Variants in PECR observed in about 807,000 individuals in gnomAD.
The protein encoded by PECR is 2,4-dienoyl-CoA reductase-related protein.
In PECR, 30 loss-of-function variants were observed where a neutral mutation model predicts 35.3. That is an observed-to-expected ratio of 0.85 (90% confidence interval 0.64 to 1.15). PECR has a LOEUF of 1.15. PECR is among the 50% of genes most tolerant of loss of function. The pLI is 0.00. For synonymous variants in PECR, 148 were observed against 138.9 expected (o/e 1.07, Z -0.46); for missense variants, 392 against 370.8 (o/e 1.06, Z -0.47).
chr2:216,068,225 C>CAAAA (rs34646067), intron 1 of PECR, among the ~76,000 whole-genome samples: 50 of 65,002 alleles, frequency 7.7e-4, no homozygotes, highest in Non-Finnish European at 8.3e-4. Flanking sequence ...GACTCCATAT[C>CAAAA]AAAAAAAAAA....
rs139332066 is a variant in PECR at position 216,079,715 on chromosome 2, C to T, written c.124+1903G>A. On this transcript the variant is annotated intron_variant, in intron 1 of 7. Coordinates refer to ENST00000265322, the MANE Select transcript of PECR (RefSeq NM_018441.6). The stretch of plus-strand genomic sequence containing the variant: ...AGTAAAATTGGGCCGGGCACGGTGG[C>T]TTACGCCTGTAATCCCAGTACTTTG... Among the ~76,000 whole-genome samples, 805 of 148,126 alleles carry T rather than the reference C, an allele frequency of 5.4e-3. 9 individuals carry two copies. The highest frequency in any genetic ancestry group is 0.019 in the African/African-American group (760 of 40,754).
intron 3 of PECR, among the ~76,000 whole-genome samples, chr2:216,062,325 C>A (rs1484397373): frequency 6.6e-6 from 1 of 152,140 alleles, no homozygotes; most frequent in Non-Finnish European, 1.5e-5. Flanking sequence ...AGATTACAGG[C>A]ATGAGCCATC....
chr2:216,069,794 G>T (rs1387285137), intron 1 of PECR, among the ~76,000 whole-genome samples: 4 of 152,032 alleles, frequency 2.6e-5, no homozygotes, highest in Non-Finnish European at 5.9e-5. Flanking sequence ...AAATTAGCCA[G>T]GTGTGGTGGT....
intron 2 of PECR, 35 bp downstream of exon 2, chr2:216,066,350 T>G (rs769046562): frequency 6.3e-7 from 1 of 1,582,302 alleles, no homozygotes; most frequent in Non-Finnish European, 8.7e-7. Flanking sequence ...CAAATTACAA[T>G]GAATGAATAA....
chr2:216,029,168 T>C (rs966519613), intron 7 of PECR, among the ~76,000 whole-genome samples: 4 of 152,214 alleles, frequency 2.6e-5, no homozygotes, highest in Non-Finnish European at 4.4e-5. Flanking sequence ...AGCAGCTTGA[T>C]GGCAGCAGAT....
intron 1 of PECR, among the ~76,000 whole-genome samples, chr2:216,070,651 G>A (rs564541368): frequency 1.6e-4 from 24 of 152,314 alleles, no homozygotes; most frequent in African/African-American, 5.8e-4. Context: ...AAGGGGCCAG[G>A]GGAAGAAGAA....
At chr2:216,058,669 T>C (rs929201672) in intron 4 of PECR, among the ~76,000 whole-genome samples, 1 of 151,532 alleles carries the variant, frequency 6.6e-6, no homozygotes, top group Non-Finnish European at 1.5e-5. Flanking sequence ...AAAAAACAAA[T>C]ACTATTTTCC....
At chr2:216,073,765 C>T (rs932887300) in intron 1 of PECR, among the ~76,000 whole-genome samples, 2 of 152,064 alleles carry the variant, frequency 1.3e-5, no homozygotes, top group South Asian at 2.1e-4. Flanking sequence ...AGTAACCTCC[C>T]GTACAGGTTT....
At chr2:216,065,891 G>A (rs1046850479) in intron 2 of PECR, among the ~76,000 whole-genome samples, 8 of 152,194 alleles carry the variant, frequency 5.3e-5, no homozygotes, top group South Asian at 2.1e-4. Context: ...TCGGGAGGCC[G>A]AGGCAGGCAG....
Position 216,071,756 on chromosome 2 carries a change from C to G in PECR, c.125-5238G>C, listed in dbSNP as rs1032897014. On this transcript the variant is annotated intron_variant, in intron 1 of 7. Coordinates refer to ENST00000265322, the MANE Select transcript of PECR (RefSeq NM_018441.6). ...TAAGATGACTTTTGCCCAAAACTCT[C>G]TATTTGTCTCTATTTAACTCTACCT... 3.9e-5 allele frequency among the ~76,000 whole-genome samples: 6 copies of G among 152,172 alleles called. 1 individual carries two copies. Among genetic ancestry groups the G allele is most frequent in the Non-Finnish European group, 4.4e-5 (3 of 68,028 alleles).
At chr2:216,068,708 G>A (rs1695522491) in intron 1 of PECR, among the ~76,000 whole-genome samples, 1 of 151,852 alleles carries the variant, frequency 6.6e-6, no homozygotes, top group Non-Finnish European at 1.5e-5. Flanking sequence ...GGCGATCTTG[G>A]CACACTGCAG....
At chr2:216,069,505 A>T (rs369486662) in intron 1 of PECR, among the ~76,000 whole-genome samples, 3 of 152,234 alleles carry the variant, frequency 2.0e-5, no homozygotes, top group African/African-American at 7.2e-5. Flanking sequence ...GGAATGCGTG[A>T]CACTGCTGCC....
chr2:216,081,339 A>C (rs1461353541), intron 1 of PECR, among the ~76,000 whole-genome samples: 2 of 152,230 alleles, frequency 1.3e-5, no homozygotes, highest in East Asian at 3.8e-4. Context: ...ATATAAAACT[A>C]ATTGCACAGC....
intron 1 of PECR, among the ~76,000 whole-genome samples, chr2:216,068,944 C>G (rs1172406070): frequency 6.7e-6 from 1 of 149,462 alleles, no homozygotes; most frequent in Non-Finnish European, 1.5e-5. Flanking sequence ...AAAATAATAA[C>G]AACATATTGT....
chr2:216,051,311 A>C, intron 5 of PECR, 138 bp downstream of exon 5: 1 of 575,658 alleles, frequency 1.7e-6, no homozygotes, highest in South Asian at 1.8e-5. Flanking sequence ...AAAGAAAATT[A>C]GGCTTTCCAT....
At chr2:216,050,305 G>A (rs1022271526) in intron 5 of PECR, among the ~76,000 whole-genome samples, 5 of 152,232 alleles carry the variant, frequency 3.3e-5, no homozygotes, top group Middle Eastern at 3.4e-3. Context: ...GAGAAGGGGC[G>A]GAAAGAGAAG....
At chr2:216,064,238 A>C (rs1005815460) in intron 3 of PECR, 1 of 152,172 alleles carries the variant, frequency 6.6e-6, no homozygotes, top group African/African-American at 2.4e-5. Flanking sequence ...CTTCCATAGA[A>C]ATAGAATTTG....
chr2:216,064,651 T>A (rs1242844480), intron 3 of PECR, among the ~76,000 whole-genome samples: 1 of 152,236 alleles, frequency 6.6e-6, no homozygotes, highest in Non-Finnish European at 1.5e-5. Flanking sequence ...ACCCAACTTG[T>A]ATCACGACTT....
At chr2:216,045,572 A>G (rs1039452880) in intron 6 of PECR, among the ~76,000 whole-genome samples, 1 of 152,228 alleles carries the variant, frequency 6.6e-6, no homozygotes, top group Non-Finnish European at 1.5e-5. Flanking sequence ...GCTCCTGGTA[A>G]GTTTAAAATT....
Sources: allele counts gnomAD v4.1 joint callset (sites outside exome capture counted in the v4.1 genomes callset), GRCh38; gene constraint gnomAD v4.1.1; transcripts MANE v1.5; gene names NCBI Gene and HGNC (gene_info 2026-07-23, HGNC 2026-07-21).